Variants in CLIC5 observed in about 807,000 individuals in gnomAD.
CLIC5 encodes chloride intracellular channel protein 5.
In CLIC5, 20 loss-of-function variants were observed where a neutral mutation model predicts 24.7. That is an observed-to-expected ratio of 0.81 (90% CI 0.57 to 1.18). The LOEUF (loss-of-function observed/expected upper bound fraction) is 1.18. Ranked by LOEUF, CLIC5 falls within the 50% of genes most tolerant of loss-of-function variation. The pLI, the probability that CLIC5 is intolerant of heterozygous loss-of-function variation, is 0.00. For synonymous variants in CLIC5, 159 were observed against 135.6 expected (o/e 1.17, Z -1.20); for missense variants, 341 against 326.1 (o/e 1.05, Z -0.35).
intron 4 of CLIC5, among the ~76,000 whole-genome samples, chr6:45,941,206 TG>T (rs1250145304): frequency 2.0e-5 from 3 of 152,176 alleles, no homozygotes; most frequent in Admixed American, 6.5e-5. Context: ...CAGGCAGGGT[TG>T]GGAACTTGGG....
At chr6:45,985,077 T>C (rs1765687754) in intron 1 of CLIC5, among the ~76,000 whole-genome samples, 1 of 152,190 alleles carries the variant, frequency 6.6e-6, no homozygotes, top group African/African-American at 2.4e-5. Context: ...AGCTTGGTCA[T>C]GCTGGAGGGA....
intron 6 of CLIC5, among the ~76,000 whole-genome samples, chr6:45,887,025 T>TA (rs949689138): frequency 6.6e-6 from 1 of 152,186 alleles, no homozygotes; most frequent in Non-Finnish European, 1.5e-5. Flanking sequence ...CACAGAATGC[T>TA]AAAATCCCAC....
intron 1 of CLIC5, among the ~76,000 whole-genome samples, chr6:45,984,966 A>G (rs1224181907): frequency 6.6e-6 from 1 of 152,196 alleles, no homozygotes; most frequent in Admixed American, 6.5e-5. Flanking sequence ...CGGGGAAGAC[A>G]CAGAACATTT....
chr6:45,985,143 C>T (rs1446539221), intron 1 of CLIC5, among the ~76,000 whole-genome samples: 1 of 152,138 alleles, frequency 6.6e-6, no homozygotes, highest in African/African-American at 2.4e-5. Flanking sequence ...AAGGAACATC[C>T]ACATAGAGAG....
At chr6:45,980,223 T>A (rs1219513511) in intron 1 of CLIC5, among the ~76,000 whole-genome samples, 1 of 152,178 alleles carries the variant, frequency 6.6e-6, no homozygotes. Flanking sequence ...GGGGCTTTAT[T>A]TCTGGGTTCT....
At position 45,991,598 on chromosome 6, in the gene CLIC5, C is replaced by T. The variant is rs115571235; in HGVS notation, c.63+23882G>A. ...CTGCTAAATTTGTGGTAAGTTGTTA[C>T]ACAGCAAAGCAAACTAATATACCCC... is the stretch of plus-strand genomic sequence containing the variant. On this transcript the variant is annotated intron_variant, in intron 1 of 5. Coordinates refer to ENST00000339561, the MANE Select transcript of CLIC5 (RefSeq NM_016929.5). 2.0e-3 allele frequency among the ~76,000 whole-genome samples: 308 copies of T among 152,318 alleles called. 1 individual carries two copies. The highest frequency in any genetic ancestry group is 7.1e-3 in the African/African-American group (293 of 41,554).
At chr6:46,019,564 T>C (rs934920905), upstream of CLIC5, among the ~76,000 whole-genome samples, 2 of 150,362 alleles carry the variant, frequency 1.3e-5, no homozygotes, top group Admixed American at 6.6e-5. Context: ...CGGGCGCCTG[T>C]AGTCCCAGCT....
downstream of CLIC5, among the ~76,000 whole-genome samples, chr6:45,894,717 G>A (rs1368470594): frequency 6.6e-6 from 1 of 152,168 alleles, no homozygotes; most frequent in Admixed American, 6.5e-5. Context: ...AGGGTCTTAG[G>A]GCCATTTAGG....
At chr6:46,070,145 C>T (rs1359756311) in intron 1 of CLIC5, among the ~76,000 whole-genome samples, 2 of 152,098 alleles carry the variant, frequency 1.3e-5, no homozygotes, top group Admixed American at 1.3e-4. Context: ...TGGAACTATA[C>T]CTTTTGAAAA....
chr6:46,054,784 C>T (rs997427525), intron 1 of CLIC5, among the ~76,000 whole-genome samples: 2 of 152,200 alleles, frequency 1.3e-5, no homozygotes, highest in African/African-American at 4.8e-5. Flanking sequence ...TGTCTGCAAG[C>T]CAGGAGGAAA....
the CLIC5 span, among the ~76,000 whole-genome samples, chr6:46,099,467 A>G: frequency 6.6e-6 from 1 of 152,208 alleles, no homozygotes; most frequent in South Asian, 2.1e-4. Context: ...TCCCTGATGT[A>G]TTTGTACTGG....
chr6:45,939,212 C>G (rs1764042911), intron 4 of CLIC5, among the ~76,000 whole-genome samples: 1 of 148,870 alleles, frequency 6.7e-6, no homozygotes, highest in Non-Finnish European at 1.5e-5. Context: ...GTCCTCTCCT[C>G]TCCTCTTTTT....
chr6:45,976,391 C>T (rs1463274955), intron 1 of CLIC5, among the ~76,000 whole-genome samples: 1 of 152,008 alleles, frequency 6.6e-6, no homozygotes, highest in African/African-American at 2.4e-5. Context: ...CCCAGCTTGC[C>T]TAGGACTGGG....
chr6:45,888,245 T>C (rs111552933), intron 6 of CLIC5, among the ~76,000 whole-genome samples: 9 of 152,208 alleles, frequency 5.9e-5, no homozygotes, highest in African/African-American at 1.9e-4. Flanking sequence ...AAACCAAGGC[T>C]GCCCAGGAAT....
chr6:45,962,686 T>C (rs963944378), intron 1 of CLIC5, among the ~76,000 whole-genome samples: 2 of 152,160 alleles, frequency 1.3e-5, no homozygotes, highest in Non-Finnish European at 2.9e-5. Context: ...TGTAAACAAT[T>C]GAATATAGTT....
At position 46,039,998 on chromosome 6, in the gene CLIC5, T is replaced by C. The variant is rs946127292; in HGVS notation, c.540+39705A>G. On this transcript the variant is annotated intron_variant, in intron 1 of 5. Transcript: ENST00000185206. ...ATATGGATCCTGCCTTGCCACTTTT[T>C]AGCTGTGTCTTTGATTCAGGGTCCC... Among the ~76,000 whole-genome samples, 3 of 152,368 alleles carry C rather than the reference T, an allele frequency of 2.0e-5. No homozygotes were observed. In the South Asian group the frequency reaches 6.2e-4, roughly 32 times the overall value.
At chr6:45,928,556 C>CA (rs1358630678) in intron 4 of CLIC5, among the ~76,000 whole-genome samples, 8 of 152,354 alleles carry the variant, frequency 5.3e-5, no homozygotes, top group Admixed American at 4.6e-4. Context: ...TAGACACACA[C>CA]ACCCATGGAC....
chr6:46,000,437 T>C (rs187013363), intron 1 of CLIC5, among the ~76,000 whole-genome samples: 1 of 152,280 alleles, frequency 6.6e-6, no homozygotes, highest in Non-Finnish European at 1.5e-5. Flanking sequence ...TACCACCTGT[T>C]CATCTGAACC....
At chr6:46,072,946 T>A (rs1762654645) in intron 1 of CLIC5, among the ~76,000 whole-genome samples, 1 of 152,170 alleles carries the variant, frequency 6.6e-6, no homozygotes, top group South Asian at 2.1e-4. Context: ...CATGAACATA[T>A]GAATATATTC....
Sources: gnomAD v4.1 joint callset for allele counts (sites outside exome capture counted in the v4.1 genomes callset) on GRCh38, gnomAD v4.1.1 for gene constraint, MANE v1.5 for transcripts, NCBI Gene and HGNC (gene_info 2026-07-23, HGNC 2026-07-21) for gene names.